Variants in INTS8 observed in about 807,000 individuals in gnomAD.
INTS8 encodes the protein protein kaonashi-1.
In INTS8, 47 loss-of-function variants were observed where a neutral mutation model predicts 138.9. The observed-to-expected ratio is 0.34, with a 90% confidence interval of 0.27 to 0.43. The LOEUF is 0.43. Among genes scored for constraint, INTS8 ranks in the 20% least tolerant of loss-of-function variants. INTS8 has a pLI of 1.00. For synonymous variants in INTS8, 392 were observed against 400.9 expected (o/e 0.98, Z 0.27); for missense variants, 996 against 1,173.0 (o/e 0.85, Z 2.20).
chr8:94,859,011 A>G (rs946474260), intron 15 of INTS8, among the ~76,000 whole-genome samples: 7 of 152,154 alleles, frequency 4.6e-5, no homozygotes, highest in African/African-American at 1.7e-4. Flanking sequence ...CACGCCTATA[A>G]TCCCAGCACT....
intron 22 of INTS8, 38 bp downstream of exon 22, chr8:94,873,515 C>T: frequency 7.6e-7 from 1 of 1,313,310 alleles, no homozygotes; most frequent in Non-Finnish European, 1.1e-6. Context: ...TTCTTGCCTA[C>T]CTGTATATGT....
At chr8:94,859,807 C>T in intron 16 of INTS8, 175 bp downstream of exon 16, 1 of 554,004 alleles carries the variant, frequency 1.8e-6, no homozygotes, top group South Asian at 2.1e-5. Context: ...TGACCTTGTT[C>T]TAATATTTCT....
chr8:94,842,355 C>G lies in INTS8; in HGVS notation c.1127C>G (p.Ala376Gly). 6.3e-7 allele frequency: 1 copy of G among 1,578,770 alleles called. No individual in the cohort carries two copies. Among genetic ancestry groups the G allele is most frequent in the Non-Finnish European group, 8.6e-7 (1 of 1,158,476 alleles). The change falls in exon 10 of 27, where the codon GCT (alanine) becomes GGT (glycine). Residue 376 changes from alanine (A) to glycine (G), a missense_variant. Physicochemically the swap from Ala to Gly is moderately conservative, Grantham distance 60 (BLOSUM62 0). Coordinates refer to ENST00000523731, the MANE Select transcript of INTS8 (RefSeq NM_017864.4). The stretch of plus-strand genomic sequence containing the variant: ...ACTTTTGTATTCTACAGAAATGAAG[C>G]TCTAGATGAAATCTGTTTTAAAGTT... ...LFKKAQQGNE[A>G]LDEICFKVCA...
At chr8:94,826,608 A>G (rs1001299193) in intron 2 of INTS8, among the ~76,000 whole-genome samples, 7 of 152,202 alleles carry the variant, frequency 4.6e-5, no homozygotes, top group Non-Finnish European at 8.8e-5. Context: ...TGTGAAATTA[A>G]TATTGTGATT....
intron 10 of INTS8, among the ~76,000 whole-genome samples, chr8:94,843,600 C>T (rs1019131945): frequency 1.3e-5 from 2 of 151,898 alleles, no homozygotes; most frequent in African/African-American, 4.8e-5. Context: ...ATATGGACCA[C>T]GCCACAATTT....
chr8:94,872,065 A>G, intron 21 of INTS8, 63 bp downstream of exon 21: 1 of 750,768 alleles, frequency 1.3e-6, no homozygotes, highest in Non-Finnish European at 2.3e-6. Flanking sequence ...GTGAAAGTAA[A>G]TATATAACCT....
chr8:94,827,789 A>C lies in INTS8; in HGVS notation c.514A>C (p.Ser172Arg). 6.2e-7 allele frequency: 1 copy of C among 1,613,322 alleles called. No homozygotes were observed. The highest frequency in any genetic ancestry group is 8.5e-7 in the Non-Finnish European group (1 of 1,179,254). The stretch of plus-strand genomic sequence containing the variant: ...GGCAAAACCCGGACCCCCTCAGTTA[A>C]GTGTGTAAGTTGGTGGCTATGACCT... ...KQAKPGPPQL[S>R]VMNQMQQEKE... The change falls in exon 4 of 27, where the codon AGT (serine) becomes CGT (arginine). Residue 172 changes from serine to arginine, a missense_variant. By Grantham distance (110) the Ser-to-Arg change is moderately radical. Transcript: ENST00000523731.
At chr8:94,827,030 G>A (rs1203572841) in intron 2 of INTS8, among the ~76,000 whole-genome samples, 3 of 152,120 alleles carry the variant, frequency 2.0e-5, no homozygotes, top group Non-Finnish European at 4.4e-5. Flanking sequence ...GCATGAACCC[G>A]GGAGGCGGAG....
chr8:94,824,291 A>G (rs1158982355), intron 1 of INTS8, among the ~76,000 whole-genome samples: 6 of 152,202 alleles, frequency 3.9e-5, no homozygotes, highest in Non-Finnish European at 8.8e-5. Context: ...TCACTGATAG[A>G]GACCACTGTG....
chr8:94,854,826 G>A (rs1311611994), intron 14 of INTS8, among the ~76,000 whole-genome samples: 2 of 152,124 alleles, frequency 1.3e-5, no homozygotes, highest in Non-Finnish European at 2.9e-5. Flanking sequence ...CGACTTCCTG[G>A]GCTCAAGCAA....
chr8:94,838,684 C>A, intron 8 of INTS8, 66 bp downstream of exon 8: 3 of 1,334,752 alleles, frequency 2.2e-6, no homozygotes, highest in Non-Finnish European at 3.2e-6. Flanking sequence ...CAAATCCTCG[C>A]ACCATCCATT....
intron 15 of INTS8, 103 bp from the exon 16 acceptor site, chr8:94,859,408 C>G: frequency 8.6e-7 from 1 of 1,165,330 alleles, no homozygotes. Context: ...GCCACCATAC[C>G]CGTCCTGTTT....
intron 5 of INTS8, 85 bp downstream of exon 5, chr8:94,829,111 G>A: frequency 1.0e-6 from 1 of 994,130 alleles, no homozygotes; most frequent in Non-Finnish European, 1.5e-6. Context: ...CCAGGGACTG[G>A]TTTTGTGGAA....
intron 26 of INTS8, 82 bp downstream of exon 26, chr8:94,876,571 G>C (rs6985452): frequency 0.053 from 43,706 of 824,736 alleles, 1,437 homozygotes; most frequent in Middle Eastern, 0.066. Context: ...ACAAAAAATA[G>C]ATTTTGTGTA....
intron 20 of INTS8, 77 bp from the exon 21 acceptor site, chr8:94,871,807 G>C: frequency 1.2e-6 from 1 of 819,110 alleles, no homozygotes; most frequent in Non-Finnish European, 2.1e-6. Flanking sequence ...CTGAGTTTTT[G>C]TTTTTAATAA....
At chr8:94,862,363 T>C (rs958793902) in intron 16 of INTS8, among the ~76,000 whole-genome samples, 27 of 152,234 alleles carry the variant, frequency 1.8e-4, no homozygotes, top group Admixed American at 1.1e-3. Flanking sequence ...GAGGGAACCG[T>C]TGTGTTCCAA....
At position 94,829,071 on chromosome 8, in the gene INTS8, T is replaced by G. The variant is rs763122663; in HGVS notation, c.570+45T>G. The G allele has an allele frequency of 3.5e-6, 5 of 1,409,588 alleles. No homozygotes were observed. The South Asian group carries it at 6.0e-5, about 17-fold the overall frequency. 87.3% of individuals were successfully genotyped at this position (1,409,588 alleles called of 1,614,324 possible). On this transcript the variant is annotated intron_variant, in intron 5 of 26. Transcript: ENST00000523731. ...ACACAGTAACACTTCAGGAACAACT[T>G]TAGAGCAGCAGTTCCCAACCTTTTT...
rs113636030 is a variant in INTS8 at position 94,828,845 on chromosome 8, A to G, written c.519-130A>G. ...AGTTGAGGGTTTTGTTTTTTCAAAC[A>G]TGAAAATGAATAACATTAAAAACAC... On this transcript the variant is annotated intron_variant, in intron 4 of 26. Transcript: ENST00000523731. 2.5e-4 allele frequency: 162 copies of G among 653,160 alleles called. 1 individual carries two copies. In the African/African-American group the frequency reaches 2.6e-3, roughly 11 times the overall value. 40.5% of individuals were successfully genotyped at this position (653,160 alleles called of 1,614,324 possible). A position where few individuals can be genotyped will look rare whatever the true frequency, so the allele number is the denominator to read the frequency against.
chr8:94,853,759 C>A, intron 13 of INTS8, 46 bp from the exon 14 acceptor site: 1 of 1,029,866 alleles, frequency 9.7e-7, no homozygotes, highest in Non-Finnish European at 1.5e-6. Flanking sequence ...CTAGATTTGG[C>A]TTCCTCTATG....
Sources: allele counts gnomAD v4.1 joint callset (sites outside exome capture counted in the v4.1 genomes callset), GRCh38; gene constraint gnomAD v4.1.1; transcripts MANE v1.5; gene names NCBI Gene and HGNC (gene_info 2026-07-23, HGNC 2026-07-21).